SORCS1: variants seen among roughly 807,000 people sequenced by gnomAD.
SORCS1 encodes the protein sortilin related VPS10 domain containing receptor 1.
In SORCS1, 60 loss-of-function variants were observed where a neutral mutation model predicts 146.1. The ratio of observed to expected loss-of-function variants is 0.41; its 90% CI spans 0.33 to 0.51. The LOEUF (loss-of-function observed/expected upper bound fraction) is 0.51, where lower values mean the gene tolerates loss of function less well. Among genes scored for constraint, SORCS1 ranks in the 20% least tolerant of loss-of-function variants. SORCS1 has a pLI of 0.21. For missense variants in SORCS1, 1,352 were observed against 1,487.6 expected (o/e 0.91, Z 1.50); for synonymous variants, 637 against 584.0 (o/e 1.09, Z -1.31).
At chr10:107,025,575 C>A (rs1216309626) in intron 1 of SORCS1, among the ~76,000 whole-genome samples, 1 of 152,226 alleles carries the variant, frequency 6.6e-6, no homozygotes, top group East Asian at 1.9e-4. Context: ...ATCAGATACA[C>A]TGGATACAAG....
chr10:107,024,797 C>T (rs1004512423), intron 1 of SORCS1, among the ~76,000 whole-genome samples: 2 of 152,088 alleles, frequency 1.3e-5, no homozygotes, highest in Admixed American at 6.5e-5. Context: ...AATTTTTTCA[C>T]AGAGTACATC....
At chr10:106,775,594 C>T (rs1860370793) in intron 4 of SORCS1, among the ~76,000 whole-genome samples, 1 of 152,152 alleles carries the variant, frequency 6.6e-6, no homozygotes, top group South Asian at 2.1e-4. Context: ...AGAATATTCA[C>T]CTCACTTAGT....
rs145230941 is a variant in SORCS1 at position 106,859,686 on chromosome 10, G to A, written c.627-30013C>T. Among the ~76,000 whole-genome samples the A allele has an allele frequency of 1.4e-4, 21 of 152,136 alleles. No homozygotes were observed. The South Asian group carries it at 2.1e-3, about 15-fold the overall frequency. On this transcript the variant is annotated intron_variant, in intron 2 of 25. Coordinates refer to ENST00000263054, the MANE Select transcript of SORCS1 (RefSeq NM_052918.5). Reference sequence around the variant, plus strand: ...GGGATTACAGGCATGAGTCACTACCGGCCAATATCCCTTCTTTCATTGAAC... The same window carrying A: ...GGGATTACAGGCATGAGTCACTACCAGCCAATATCCCTTCTTTCATTGAAC...
chr10:107,032,885 A>C (rs1166828148), intron 1 of SORCS1, among the ~76,000 whole-genome samples: 1 of 152,184 alleles, frequency 6.6e-6, no homozygotes, highest in Non-Finnish European at 1.5e-5. Flanking sequence ...ACAAGAATTG[A>C]CTACTGCAAG....
chr10:107,067,794 A>T (rs1305762319), intron 1 of SORCS1, among the ~76,000 whole-genome samples: 2 of 152,168 alleles, frequency 1.3e-5, no homozygotes, highest in Non-Finnish European at 2.9e-5. Flanking sequence ...AGTGAAATGG[A>T]GATAATAAAT....
At chr10:106,947,249 A>G (rs1954395076) in intron 2 of SORCS1, among the ~76,000 whole-genome samples, 1 of 152,226 alleles carries the variant, frequency 6.6e-6, no homozygotes, top group South Asian at 2.1e-4. Context: ...CTCGAGTATC[A>G]TTTACAATAC....
chr10:106,896,979 C>G (rs908993353), intron 2 of SORCS1, among the ~76,000 whole-genome samples: 2 of 149,884 alleles, frequency 1.3e-5, no homozygotes, highest in Admixed American at 1.3e-4. Context: ...CAAGCTCCAC[C>G]TCCCGGGTTC....
At chr10:107,119,031 C>G (rs1396871260) in intron 1 of SORCS1, among the ~76,000 whole-genome samples, 2 of 152,124 alleles carry the variant, frequency 1.3e-5, no homozygotes, top group East Asian at 3.9e-4. Flanking sequence ...TTGTTCTTTG[C>G]TGCAGCATCA....
At chr10:106,605,501 C>G (rs1403647994) in intron 23 of SORCS1, among the ~76,000 whole-genome samples, 2 of 152,136 alleles carry the variant, frequency 1.3e-5, no homozygotes, top group Non-Finnish European at 2.9e-5. Flanking sequence ...CATGAAAAAC[C>G]AGTAAGATTT....
intron 1 of SORCS1, among the ~76,000 whole-genome samples, chr10:107,049,873 A>G (rs150008248): frequency 4.7e-4 from 71 of 152,308 alleles, no homozygotes; most frequent in African/African-American, 1.4e-3. Context: ...TATATGTACG[A>G]TGCTACCAAA....
chr10:106,925,092 TTGAG>T (rs377154545), intron 2 of SORCS1, among the ~76,000 whole-genome samples: 76 of 152,374 alleles, frequency 5.0e-4, no homozygotes, highest in South Asian at 5.0e-3. Flanking sequence ...TTTGTAATGA[TTGAG>T]TATTTGCAAA....
intron 1 of SORCS1, among the ~76,000 whole-genome samples, chr10:106,957,168 T>TTTTG (rs1954993456): frequency 2.0e-5 from 3 of 148,010 alleles, no homozygotes; most frequent in African/African-American, 2.6e-5. Flanking sequence ...TTTTTTTGTT[T>TTTTG]TTTTTGTTTT....
intron 22 of SORCS1, among the ~76,000 whole-genome samples, chr10:106,607,592 G>C (rs960925370): frequency 6.6e-6 from 1 of 152,236 alleles, no homozygotes; most frequent in Non-Finnish European, 1.5e-5. Context: ...GACAGTTGCA[G>C]TACTTGCCTT....
intron 1 of SORCS1, among the ~76,000 whole-genome samples, chr10:107,066,164 C>T (rs990189613): frequency 6.6e-6 from 1 of 152,112 alleles, no homozygotes; most frequent in Non-Finnish European, 1.5e-5. Context: ...GACTCCTTTT[C>T]TCATTTGGTC....
chr10:107,009,896 C>A lies in SORCS1; in HGVS notation c.559-53316G>T, dbSNP rs141580557. On this transcript the variant is annotated intron_variant, in intron 1 of 25. Transcript: ENST00000263054. ...TATAAGTAATGAAGTAAAAGAAACC[C>A]AGGAGGGTCACAAGTCAGAACTCAG... Among the ~76,000 whole-genome samples the A allele has an allele frequency of 3.5e-4, 53 of 151,996 alleles. No individual in the cohort carries two copies. In the East Asian group the frequency reaches 9.7e-3, roughly 28 times the overall value.
intron 1 of SORCS1, among the ~76,000 whole-genome samples, chr10:107,125,110 G>A (rs1966639760): frequency 1.3e-5 from 2 of 151,566 alleles, no homozygotes; most frequent in South Asian, 2.1e-4. Flanking sequence ...GCACCAACAC[G>A]CCCAGCTAAT....
intron 1 of SORCS1, among the ~76,000 whole-genome samples, chr10:107,064,315 C>T (rs1280460038): frequency 6.6e-6 from 1 of 152,172 alleles, no homozygotes; most frequent in Non-Finnish European, 1.5e-5. Context: ...CTCTGACACC[C>T]ACAATCAATT....
chr10:107,034,703 A>AAAAAAAT (rs1958818117), intron 1 of SORCS1, among the ~76,000 whole-genome samples: 1 of 147,622 alleles, frequency 6.8e-6, no homozygotes, highest in South Asian at 2.1e-4. Flanking sequence ...AAAAAAAAAA[A>AAAAAAAT]AAAACAATGT....
chr10:106,672,165 T>C (rs914291477), intron 15 of SORCS1, among the ~76,000 whole-genome samples: 4 of 152,190 alleles, frequency 2.6e-5, no homozygotes, highest in Non-Finnish European at 5.9e-5. Context: ...TATTACTTAG[T>C]CTAGGTTTGA....
Sources: allele counts gnomAD v4.1 joint callset (sites outside exome capture counted in the v4.1 genomes callset), GRCh38; gene constraint gnomAD v4.1.1; transcripts MANE v1.5; gene names NCBI Gene and HGNC (gene_info 2026-07-23, HGNC 2026-07-21).